Variants in RIGI observed in about 807,000 individuals in gnomAD.
RIGI encodes antiviral innate immune response receptor RIG-I.
At chr9:32,497,676 G>A in the RIGI span, among the ~76,000 whole-genome samples, 1 of 152,230 alleles carries the variant, frequency 6.6e-6, no homozygotes, top group Non-Finnish European at 1.5e-5. Context: ...GAACCCAGGA[G>A]GCGGAGCTTG....
the RIGI span, chr9:32,492,529 T>C: frequency 6.2e-7 from 1 of 1,614,194 alleles, no homozygotes; most frequent in Middle Eastern, 1.6e-4. Context: ...ATCCCCTTAG[T>C]AGAGCAAATC....
At chr9:32,482,623 G>A in the RIGI span, among the ~76,000 whole-genome samples, 1 of 152,186 alleles carries the variant, frequency 6.6e-6, no homozygotes. Flanking sequence ...CACTTTGGGA[G>A]CCCCAGGCGG....
chr9:32,459,022 A>G, the RIGI span, among the ~76,000 whole-genome samples: 1 of 151,520 alleles, frequency 6.6e-6, no homozygotes, highest in Non-Finnish European at 1.5e-5. Flanking sequence ...CCGAGTAACT[A>G]AGATTACAGC....
the RIGI span, among the ~76,000 whole-genome samples, chr9:32,509,784 C>T: frequency 6.6e-6 from 1 of 151,914 alleles, no homozygotes; most frequent in African/African-American, 2.4e-5. Context: ...TAATAAGAAA[C>T]TCCTCTGAGC....
chr9:32,472,366 C>A, the RIGI span, among the ~76,000 whole-genome samples: 105,643 of 152,156 alleles, frequency 0.69, 37,479 homozygotes, highest in Middle Eastern at 0.83. Context: ...AAGGAAAGAG[C>A]CTGGAGTGGT....
the RIGI span, among the ~76,000 whole-genome samples, chr9:32,519,387 A>T: frequency 6.6e-6 from 1 of 152,128 alleles, no homozygotes; most frequent in Non-Finnish European, 1.5e-5. Context: ...ACCTTTTTCA[A>T]GCTTCCAAAA....
chr9:32,466,590 A>G, the RIGI span: 1 of 696,784 alleles, frequency 1.4e-6, no homozygotes. Context: ...TAAAGAGTGA[A>G]CTCATGAGGC....
chr9:32,494,080 G>C, the RIGI span: 6 of 667,328 alleles, frequency 9.0e-6, no homozygotes, highest in Non-Finnish European at 1.4e-5. Context: ...AATTGTCATT[G>C]ATTTTTCAAA....
the RIGI span, among the ~76,000 whole-genome samples, chr9:32,515,317 C>CAAA: frequency 7.4e-3 from 822 of 111,056 alleles, 13 homozygotes; most frequent in African/African-American, 0.017. Flanking sequence ...GACTCTGTCT[C>CAAA]AAAAAAAAAA....
At chr9:32,518,922 C>A in the RIGI span, among the ~76,000 whole-genome samples, 1 of 152,182 alleles carries the variant, frequency 6.6e-6, no homozygotes, top group African/African-American at 2.4e-5. Context: ...GTTGGCCAGG[C>A]TGGTCTCAAA....
At chr9:32,471,716 A>G in the RIGI span, among the ~76,000 whole-genome samples, 2 of 152,190 alleles carry the variant, frequency 1.3e-5, no homozygotes, top group African/African-American at 2.4e-5. Context: ...GAACAAACCA[A>G]TAAGAAAATA....
the RIGI span, among the ~76,000 whole-genome samples, chr9:32,521,162 A>AAAAAAAAAAAAAAAAT: frequency 1.4e-5 from 2 of 147,914 alleles, no homozygotes; most frequent in Non-Finnish European, 3.0e-5. Flanking sequence ...AAAAAAAAAA[A>AAAAAAAAAAAAAAAAT]CTTCACAGAA....
chr9:32,485,397 T>C, the RIGI span: 39 of 726,570 alleles, frequency 5.4e-5, no homozygotes, highest in Non-Finnish European at 8.1e-5. Flanking sequence ...ATACTTCCTC[T>C]GAAAAACCTA....
chr9:32,487,542 T>C, the RIGI span: 1 of 1,614,200 alleles, frequency 6.2e-7, no homozygotes, highest in South Asian at 1.1e-5. Context: ...CACTGACGCA[T>C]CAAGAGAAGC....
chr9:32,480,800 C>CTG, the RIGI span, among the ~76,000 whole-genome samples: 1 of 152,170 alleles, frequency 6.6e-6, no homozygotes, highest in African/African-American at 2.4e-5. Context: ...TACAACTAAG[C>CTG]TAACTAAAAT....
At chr9:32,518,254 C>T in the RIGI span, among the ~76,000 whole-genome samples, 95 of 151,470 alleles carry the variant, frequency 6.3e-4, no homozygotes, top group Non-Finnish European at 2.2e-4. Flanking sequence ...AACAAGTAGA[C>T]GAGAGAGATG....
the RIGI span, among the ~76,000 whole-genome samples, chr9:32,520,190 C>G: frequency 2.0e-5 from 3 of 151,768 alleles, no homozygotes; most frequent in African/African-American, 7.3e-5. Context: ...ACAGGACTTA[C>G]CACATTTTTG....
chr9:32,466,222 C>A, the RIGI span: 3 of 1,521,616 alleles, frequency 2.0e-6, no homozygotes, highest in Non-Finnish European at 2.7e-6. Context: ...TAAAAGATAC[C>A]AACCATCCTC....
the RIGI span, among the ~76,000 whole-genome samples, chr9:32,469,464 A>G: frequency 1.2e-4 from 19 of 152,218 alleles, no homozygotes; most frequent in Non-Finnish European, 2.6e-4. Flanking sequence ...AGAAGCAGAG[A>G]CAGCAATCTG....
Sources: gnomAD v4.1 joint callset for allele counts (sites outside exome capture counted in the v4.1 genomes callset) on GRCh38, gnomAD v4.1.1 for gene constraint, MANE v1.5 for transcripts, NCBI Gene and HGNC (gene_info 2026-07-23, HGNC 2026-07-21) for gene names.